Variants in PID1 observed in about 807,000 individuals in gnomAD.
PID1 encodes the protein PTB-containing, cubilin and LRP1-interacting protein.
In PID1, 10 loss-of-function variants were observed where a neutral mutation model predicts 19.1. The observed-to-expected ratio is 0.52, with a 90% CI of 0.32 to 0.89. The LOEUF (loss-of-function observed/expected upper bound fraction) is 0.89, where lower values mean the gene tolerates loss of function less well. Among genes scored for constraint, PID1 ranks in the 40% least tolerant of loss-of-function variants. The pLI, the probability that PID1 is intolerant of heterozygous loss-of-function variation, is 0.03. For missense variants in PID1, 248 were observed against 285.3 expected, an observed-to-expected ratio of 0.87 and a Z score of 0.94; for synonymous variants, 130 against 116.0, an observed-to-expected ratio of 1.12 and a Z score of -0.78.
At chr2:229,108,076 G>A (rs1419642832) in intron 2 of PID1, among the ~76,000 whole-genome samples, 1 of 149,474 alleles carries the variant, frequency 6.7e-6, no homozygotes, top group Non-Finnish European at 1.5e-5. Flanking sequence ...ACATGGTCTT[G>A]AAATTTAAAA....
chr2:229,265,219 A>G (rs1690563757), intron 1 of PID1, among the ~76,000 whole-genome samples: 2 of 152,188 alleles, frequency 1.3e-5, no homozygotes, highest in Admixed American at 6.5e-5. Context: ...CTCCCTTATC[A>G]AAGTAAGAAC....
At chr2:229,130,976 G>A (rs911363545) in intron 2 of PID1, among the ~76,000 whole-genome samples, 1 of 152,022 alleles carries the variant, frequency 6.6e-6, no homozygotes, top group Non-Finnish European at 1.5e-5. Flanking sequence ...CTGGGTGCAC[G>A]CCTGTGCCCA....
chr2:229,108,526 G>A (rs1333609243), intron 2 of PID1, among the ~76,000 whole-genome samples: 7 of 152,206 alleles, frequency 4.6e-5, no homozygotes, highest in Admixed American at 3.3e-4. Context: ...GCCCTACCTG[G>A]GAGGATCAGA....
intron 1 of PID1, among the ~76,000 whole-genome samples, chr2:229,230,069 G>A (rs1692168918): frequency 6.6e-6 from 1 of 152,184 alleles, no homozygotes; most frequent in Admixed American, 6.5e-5. Flanking sequence ...AACTGTCCCA[G>A]TTTGATATTT....
chr2:229,251,994 A>C (rs1306472196), intron 1 of PID1, among the ~76,000 whole-genome samples: 1 of 151,962 alleles, frequency 6.6e-6, no homozygotes, highest in Non-Finnish European at 1.5e-5. Context: ...AGAAAAAAAA[A>C]CACACAAAGA....
chr2:229,136,654 T>C (rs997878143), intron 2 of PID1, among the ~76,000 whole-genome samples: 1 of 152,176 alleles, frequency 6.6e-6, no homozygotes, highest in African/African-American at 2.4e-5. Flanking sequence ...AAAAATCAAT[T>C]AAGGAACGGC....
At chr2:229,077,403 T>C (rs1454275525) in intron 2 of PID1, among the ~76,000 whole-genome samples, 2 of 152,246 alleles carry the variant, frequency 1.3e-5, no homozygotes, top group African/African-American at 4.8e-5. Flanking sequence ...ATCCCATTAG[T>C]CAATTTTGGC....
chr2:229,170,779 A>T (rs1488367936), intron 1 of PID1, among the ~76,000 whole-genome samples: 1 of 152,234 alleles, frequency 6.6e-6, no homozygotes, highest in African/African-American at 2.4e-5. Flanking sequence ...TGCAAGAAAC[A>T]CAAAGCAACC....
chr2:229,183,969 ATATATATCCCATATGTATG>A, intron 1 of PID1, among the ~76,000 whole-genome samples: 1 of 82,898 alleles, frequency 1.2e-5, no homozygotes, highest in Non-Finnish European at 2.4e-5. Flanking sequence ...TATATCCCAT[ATATATATCCCATATGTATG>A]TATATATCCC....
At chr2:229,241,026 C>T (rs1314880230) in intron 1 of PID1, among the ~76,000 whole-genome samples, 1 of 152,048 alleles carries the variant, frequency 6.6e-6, no homozygotes. Context: ...AGATATTTTA[C>T]TTTTCAATTC....
At chr2:229,069,296 C>A (rs978056306) in intron 2 of PID1, among the ~76,000 whole-genome samples, 2 of 151,866 alleles carry the variant, frequency 1.3e-5, no homozygotes, top group African/African-American at 2.4e-5. Flanking sequence ...AAATATCACT[C>A]CCAAGGGTTA....
At chr2:229,042,312 T>A (rs992680051) in intron 2 of PID1, among the ~76,000 whole-genome samples, 10 of 152,208 alleles carry the variant, frequency 6.6e-5, no homozygotes, top group African/African-American at 2.4e-4. Context: ...GTTAAAATTA[T>A]TTCATAATAA....
intron 1 of PID1, among the ~76,000 whole-genome samples, chr2:229,176,098 A>G (rs1690816078): frequency 6.6e-6 from 1 of 152,184 alleles, no homozygotes; most frequent in Non-Finnish European, 1.5e-5. Flanking sequence ...GCTGCATTCA[A>G]CACGCTCATG....
intron 2 of PID1, among the ~76,000 whole-genome samples, chr2:229,093,004 A>G (rs1473308805): frequency 6.6e-6 from 1 of 152,132 alleles, no homozygotes; most frequent in Non-Finnish European, 1.5e-5. Flanking sequence ...AACAATGCCC[A>G]AGTCAGACTG....
At chr2:229,058,203 A>G (rs533226297) in intron 2 of PID1, among the ~76,000 whole-genome samples, 3 of 152,238 alleles carry the variant, frequency 2.0e-5, no homozygotes, top group Non-Finnish European at 2.9e-5. Context: ...CTATTACTGG[A>G]AGTCTGCTCA....
chr2:229,149,182 C>T (rs1052259095), intron 2 of PID1, among the ~76,000 whole-genome samples: 1 of 151,976 alleles, frequency 6.6e-6, no homozygotes, highest in Non-Finnish European at 1.5e-5. Context: ...AAATGGCCAA[C>T]ACCAAGAAAG....
chr2:229,027,768 C>T (rs1400300008), intron 2 of PID1, among the ~76,000 whole-genome samples: 1 of 152,206 alleles, frequency 6.6e-6, no homozygotes, highest in African/African-American at 2.4e-5. Context: ...AACCTGAGCA[C>T]ACGTAAAGCG....
At chr2:229,247,892 T>C (rs1386323030) in intron 1 of PID1, among the ~76,000 whole-genome samples, 1 of 152,126 alleles carries the variant, frequency 6.6e-6, no homozygotes, top group Non-Finnish European at 1.5e-5. Flanking sequence ...CTTTATCACA[T>C]TTGCTTTATT....
intron 2 of PID1, among the ~76,000 whole-genome samples, chr2:229,125,025 T>A (rs777820504): frequency 2.0e-4 from 31 of 152,350 alleles, no homozygotes; most frequent in Non-Finnish European, 4.1e-4. Context: ...ATGAAATGTG[T>A]ATGACTATTT....
Sources: allele counts gnomAD v4.1 joint callset (sites outside exome capture counted in the v4.1 genomes callset), GRCh38; gene constraint gnomAD v4.1.1; transcripts MANE v1.5; gene names NCBI Gene and HGNC (gene_info 2026-07-23, HGNC 2026-07-21).